PDE4B: variants seen among roughly 807,000 people sequenced by gnomAD.
PDE4B encodes the protein phosphodiesterase 4B, also known as 3',5'-cyclic-AMP phosphodiesterase 4B.
PDE4B carries 20 observed loss-of-function variants against 82.2 expected under a neutral mutation model. That is an observed-to-expected ratio of 0.24 (90% confidence interval 0.17 to 0.35). The LOEUF (loss-of-function observed/expected upper bound fraction) is 0.35. Ranked by LOEUF, PDE4B falls within the 10% of genes least tolerant of loss-of-function variation. PDE4B has a pLI of 1.00. For missense variants in PDE4B, 655 were observed against 907.2 expected (o/e 0.72, Z 3.57); for synonymous variants, 320 against 318.9 (o/e 1.00, Z -0.04).
chr1:65,993,684 T>A (rs996885630), intron 3 of PDE4B, among the ~76,000 whole-genome samples: 4 of 152,138 alleles, frequency 2.6e-5, no homozygotes, highest in African/African-American at 9.7e-5. Context: ...GAAAACTAAG[T>A]TCCCACTTCT....
intron 3 of PDE4B, among the ~76,000 whole-genome samples, chr1:65,931,731 C>A (rs1161366333): frequency 1.3e-5 from 2 of 152,176 alleles, no homozygotes; most frequent in African/African-American, 4.8e-5. Context: ...ATTCAGGACA[C>A]CCTCATGTCT....
intron 1 of PDE4B, among the ~76,000 whole-genome samples, chr1:65,900,470 A>C (rs1646959607): frequency 6.6e-6 from 1 of 151,930 alleles, no homozygotes; most frequent in Non-Finnish European, 1.5e-5. Context: ...GAATTTTAGA[A>C]TAGTTTTATT....
At chr1:66,059,326 A>G (rs1655466319) in intron 3 of PDE4B, among the ~76,000 whole-genome samples, 1 of 152,098 alleles carries the variant, frequency 6.6e-6, no homozygotes. Flanking sequence ...TGAGCCCACC[A>G]AACTGTTCCA....
At chr1:66,132,685 C>T (rs914567697) in intron 3 of PDE4B, among the ~76,000 whole-genome samples, 1 of 152,146 alleles carries the variant, frequency 6.6e-6, no homozygotes, top group African/African-American at 2.4e-5. Context: ...CGTATTATTT[C>T]TCCCTCTTTT....
chr1:65,910,602 A>G (rs1418252401), intron 1 of PDE4B, among the ~76,000 whole-genome samples: 3 of 152,160 alleles, frequency 2.0e-5, no homozygotes, highest in Non-Finnish European at 4.4e-5. Flanking sequence ...TTGAGGATAA[A>G]CAAAAAGGGC....
intron 8 of PDE4B, among the ~76,000 whole-genome samples, chr1:66,335,151 C>T (rs1660419973): frequency 6.6e-6 from 1 of 152,168 alleles, no homozygotes; most frequent in African/African-American, 2.4e-5. Context: ...ACTAAGGAGC[C>T]AGTGTAAATC....
chr1:65,956,593 T>C (rs1305175105), intron 3 of PDE4B, among the ~76,000 whole-genome samples: 1 of 152,178 alleles, frequency 6.6e-6, no homozygotes, highest in Non-Finnish European at 1.5e-5. Context: ...GCTTCTCCAG[T>C]GACTTTGCAA....
rs182776925 is a variant in PDE4B at position 65,988,825 on chromosome 1, G to A, written c.281+69990G>A. Among the ~76,000 whole-genome samples the A allele has an allele frequency of 5.4e-3, 827 of 152,126 alleles. 4 individuals are homozygous for A. Among genetic ancestry groups the A allele is most frequent in the African/African-American group, 0.019 (784 of 41,518 alleles). ...TTTAAAATACTTTTGTTTTATAATA[G>A]TTGAAAAGTAGTTACTCGTAGAAAA... On this transcript the variant is annotated intron_variant, in intron 3 of 16. Coordinates refer to ENST00000341517, the MANE Select transcript of PDE4B (RefSeq NM_002600.4).
intron 3 of PDE4B, among the ~76,000 whole-genome samples, chr1:66,228,593 C>T (rs991057575): frequency 1.3e-5 from 2 of 150,582 alleles, no homozygotes; most frequent in Non-Finnish European, 2.9e-5. Flanking sequence ...CGCGCCACTG[C>T]ACTCCAGCCT....
At chr1:65,844,366 C>T (rs943356826) in intron 1 of PDE4B, among the ~76,000 whole-genome samples, 1 of 152,130 alleles carries the variant, frequency 6.6e-6, no homozygotes, top group Non-Finnish European at 1.5e-5. Flanking sequence ...AAGTAGTGCG[C>T]ATGGAAGTGT....
intron 7 of PDE4B, among the ~76,000 whole-genome samples, chr1:66,291,397 G>T (rs1002462934): frequency 1.3e-5 from 2 of 152,126 alleles, no homozygotes; most frequent in Non-Finnish European, 2.9e-5. Flanking sequence ...CAACATCTCT[G>T]CTGGATCAAG....
chr1:66,244,272 T>TA lies in PDE4B; in HGVS notation c.282-3187dup, dbSNP rs556726786. On this transcript the variant is annotated intron_variant, in intron 3 of 16. Coordinates refer to ENST00000341517, the MANE Select transcript of PDE4B (RefSeq NM_002600.4). Reference sequence around the variant, plus strand: ...TTCAGAAGAGAAAAAAATAAACTGCTAGTAATGATGTTGTTCTTTTCTCTA... The same window carrying TA: ...TTCAGAAGAGAAAAAAATAAACTGCTAAGTAATGATGTTGTTCTTTTCTCTA... Among the ~76,000 whole-genome samples the TA allele has an allele frequency of 9.5e-3, 1,450 of 152,302 alleles. 14 individuals carry two copies. The highest frequency in any genetic ancestry group is 0.014 in the Non-Finnish European group (964 of 68,022).
chr1:65,969,046 AC>A (rs1374524483), intron 3 of PDE4B, among the ~76,000 whole-genome samples: 1 of 152,168 alleles, frequency 6.6e-6, no homozygotes, highest in Non-Finnish European at 1.5e-5. Context: ...ATTTAATTTT[AC>A]CTGAGAAACA....
At chr1:65,925,656 G>A (rs915307424) in intron 3 of PDE4B, among the ~76,000 whole-genome samples, 2 of 152,098 alleles carry the variant, frequency 1.3e-5, no homozygotes, top group Non-Finnish European at 2.9e-5. Flanking sequence ...TCAACATTAG[G>A]TTTAAGAGGT....
At chr1:66,004,656 T>G (rs536405268) in intron 3 of PDE4B, among the ~76,000 whole-genome samples, 42 of 152,168 alleles carry the variant, frequency 2.8e-4, no homozygotes, top group African/African-American at 9.9e-4. Context: ...CATTTAATGG[T>G]CTTTTCAAAG....
At chr1:66,101,636 A>G (rs1263181824) in intron 3 of PDE4B, among the ~76,000 whole-genome samples, 1 of 152,158 alleles carries the variant, frequency 6.6e-6, no homozygotes, top group East Asian at 1.9e-4. Flanking sequence ...TCTTCTTTTG[A>G]GAAGTGTCTG....
chr1:65,997,147 A>G (rs1440602548), intron 3 of PDE4B, among the ~76,000 whole-genome samples: 1 of 76,856 alleles, frequency 1.3e-5, no homozygotes, highest in Non-Finnish European at 2.5e-5. Context: ...CACCCCCCTG[A>G]CCCACCCCCG....
At chr1:66,117,921 C>A (rs1003903842) in intron 3 of PDE4B, among the ~76,000 whole-genome samples, 1 of 152,120 alleles carries the variant, frequency 6.6e-6, no homozygotes, top group Non-Finnish European at 1.5e-5. Flanking sequence ...GTTTACAGTC[C>A]CACCAACAGT....
chr1:66,275,565 T>C (rs141603827), intron 7 of PDE4B, among the ~76,000 whole-genome samples: 1 of 152,216 alleles, frequency 6.6e-6, no homozygotes, highest in East Asian at 1.9e-4. Flanking sequence ...TAGAGAAGAA[T>C]GAATATGGAA....
Sources: gnomAD v4.1 joint callset for allele counts (sites outside exome capture counted in the v4.1 genomes callset) on GRCh38, gnomAD v4.1.1 for gene constraint, MANE v1.5 for transcripts, NCBI Gene and HGNC (gene_info 2026-07-23, HGNC 2026-07-21) for gene names.